Variants in C17orf75 observed in about 807,000 individuals in gnomAD.
C17orf75 encodes the protein chromosome 17 open reading frame 75, also known as protein Njmu-R1.
In C17orf75, 32 loss-of-function variants were observed where a neutral mutation model predicts 49.6. The observed-to-expected ratio is 0.65, with a 90% CI of 0.49 to 0.87. The LOEUF (loss-of-function observed/expected upper bound fraction) is 0.87, where lower values mean the gene tolerates loss of function less well. C17orf75 is among the 40% of genes least tolerant of loss of function. C17orf75 has a pLI of 0.00. For synonymous variants in C17orf75, 158 were observed against 159.5 expected, an observed-to-expected ratio of 0.99 and a Z score of 0.07; for missense variants, 428 against 473.9, an observed-to-expected ratio of 0.90 and a Z score of 0.90.
rs2041378473 is a variant in C17orf75 at position 32,341,303 on chromosome 17, A to G, written c.141-19T>C. 2 of 1,613,494 alleles carry G rather than the reference A, an allele frequency of 1.2e-6. No individual in the cohort carries two copies. The highest frequency in any genetic ancestry group is 8.5e-7 in the Non-Finnish European group (1 of 1,179,680). ...TGCCAATCTACAAGCCACAAAACCA[A>G]TAGTGCTATCAATTATGGGCTCTAA... On this transcript the variant is annotated intron_variant, in intron 1 of 9. Transcript: ENST00000577809.
rs2041266425 is a variant in C17orf75 at position 32,330,786 on chromosome 17, T to C, written c.*977A>G. On this transcript the variant is annotated 3_prime_UTR_variant, in exon 10 of 10. Coordinates refer to ENST00000577809, the MANE Select transcript of C17orf75 (RefSeq NM_022344.4). ...AAAGAAAACACAGGCTCTTCATAAA[T>C]ACCTGTGAACAAATAAATGAAATGG... The C allele has an allele frequency of 6.6e-6, 1 of 152,184 alleles. No homozygotes were observed. Among genetic ancestry groups the C allele is most frequent in the Non-Finnish European group, 1.5e-5 (1 of 68,024 alleles). The allele number at this position is 152,184 out of a possible 1,614,324, so 9.4% of individuals were successfully genotyped here. A position where few individuals can be genotyped will look rare whatever the true frequency, so the allele number is the denominator to read the frequency against.
chr17:32,342,180 C>T, upstream of C17orf75: 1 of 1,491,622 alleles, frequency 6.7e-7, no homozygotes, highest in Non-Finnish European at 9.0e-7. Flanking sequence ...CGCCAAACCG[C>T]TCCCCTGCTC....
At chr17:32,333,030 T>G (rs1227397405) in intron 9 of C17orf75, among the ~76,000 whole-genome samples, 1 of 152,096 alleles carries the variant, frequency 6.6e-6, no homozygotes, top group South Asian at 2.1e-4. Flanking sequence ...AGGCTGGTCT[T>G]GAACTCCTGG....
At chr17:32,343,764 A>C (rs1310355599), upstream of C17orf75, 4 of 634,574 alleles carry the variant, frequency 6.3e-6, no homozygotes, top group Non-Finnish European at 1.1e-5. Context: ...ACTACATTTA[A>C]AAGAGGATTC....
At chr17:32,340,998 A>T in intron 2 of C17orf75, 2 of 595,044 alleles carry the variant, frequency 3.4e-6, no homozygotes, top group Middle Eastern at 2.6e-4. Context: ...ATCACCAAGC[A>T]CACTATCAGT....
chr17:32,340,062 C>T, intron 2 of C17orf75, 124 bp from the exon 3 acceptor site: 1 of 1,161,240 alleles, frequency 8.6e-7, no homozygotes, highest in African/African-American at 1.6e-5. Flanking sequence ...TCCTTATGAC[C>T]CCTATTGGTG....
rs556165456 is a variant in C17orf75 at position 32,335,496 on chromosome 17, C to T, written c.550-54G>A. 34 of 1,587,286 alleles carry T rather than the reference C, an allele frequency of 2.1e-5. No individual in the cohort carries two copies. In the African/African-American group the frequency reaches 4.3e-4, roughly 20 times the overall value. ...TAATATAAGCCTTTCCTTTAGTGGA[C>T]TTCATATTTTCTTCATCATATCCTT... On this transcript the variant is annotated intron_variant, in intron 5 of 9. Coordinates refer to ENST00000577809, the MANE Select transcript of C17orf75 (RefSeq NM_022344.4).
chr17:32,340,683 C>T (rs2041370945), intron 2 of C17orf75, among the ~76,000 whole-genome samples: 1 of 151,222 alleles, frequency 6.6e-6, no homozygotes, highest in Non-Finnish European at 1.5e-5. Flanking sequence ...GGCAAGGTGG[C>T]TCATGCCTGT....
At chr17:32,336,264 A>G (rs776655542) in intron 5 of C17orf75, among the ~76,000 whole-genome samples, 6 of 152,230 alleles carry the variant, frequency 3.9e-5, no homozygotes, top group Non-Finnish European at 8.8e-5. Flanking sequence ...TCCAGGCTGG[A>G]GTGCAGTGGT....
rs1473325388 is a variant in C17orf75, at chr17:32,331,739, A to T, written c.*24T>A. ...TAAGACTTAAATATACAACTTGATC[A>T]TACAATTATCTCAAAACATATGATC... On this transcript the variant is annotated 3_prime_UTR_variant, in exon 10 of 10. Coordinates refer to ENST00000577809, the MANE Select transcript of C17orf75 (RefSeq NM_022344.4). 1.3e-6 allele frequency: 2 copies of T among 1,557,564 alleles called. No homozygotes were observed. The highest frequency in any genetic ancestry group is 1.8e-6 in the Non-Finnish European group (2 of 1,129,186).
intron 4 of C17orf75, 58 bp downstream of exon 4, chr17:32,338,150 T>G: frequency 6.3e-7 from 1 of 1,589,374 alleles, no homozygotes; most frequent in Non-Finnish European, 8.5e-7. Flanking sequence ...GTAATATTCT[T>G]CCACCTGCCT....
chr17:32,333,543 T>C, intron 8 of C17orf75, 23 bp from the exon 9 acceptor site: 1 of 1,517,946 alleles, frequency 6.6e-7, no homozygotes, highest in Non-Finnish European at 9.0e-7. Context: ...TCAGAGAGAC[T>C]AAATAAAATG....
chr17:32,347,053 G>A (rs2041430306), upstream of C17orf75, among the ~76,000 whole-genome samples: 1 of 151,894 alleles, frequency 6.6e-6, no homozygotes, highest in Non-Finnish European at 1.5e-5. Flanking sequence ...CCAGGTTCAA[G>A]CCTCAGCCTG....
At position 32,339,909 on chromosome 17, in the gene C17orf75, G is replaced by A. The variant is rs369286987; in HGVS notation, c.251C>T (p.Ser84Phe). ...ACTGCGCAGCTCTGGCTCCACTTCG[G>A]ATGGTAGATTAGTATCTGCCAAGGA... is the stretch of plus-strand genomic sequence containing the variant. ...SLSLADTNLP[S>F]EVEPELRSFI... Residue 84 changes from serine to phenylalanine, a missense_variant, in exon 3 of 10, where the codon TCC becomes TTC. Coordinates refer to ENST00000577809, the MANE Select transcript of C17orf75 (RefSeq NM_022344.4). 6 of 1,613,984 alleles carry A rather than the reference G, an allele frequency of 3.7e-6. No individual in the cohort carries two copies. The highest frequency in any genetic ancestry group is 5.1e-6 in the Non-Finnish European group (6 of 1,179,872).
upstream of C17orf75, chr17:32,343,865 T>G (rs947085583): frequency 7.4e-6 from 5 of 677,982 alleles, no homozygotes; most frequent in Non-Finnish European, 1.4e-5. Flanking sequence ...AAGAACTTCC[T>G]GGAGAGGTTG....
At chr17:32,348,010 TG>T (rs2041438081) in intron 1 of C17orf75, among the ~76,000 whole-genome samples, 2 of 151,356 alleles carry the variant, frequency 1.3e-5, no homozygotes, top group Non-Finnish European at 2.9e-5. Context: ...GCACCCAGCC[TG>T]AACTTTTTTT....
At chr17:32,340,936 C>A (rs951114433) in intron 2 of C17orf75, 2 of 416,166 alleles carry the variant, frequency 4.8e-6, no homozygotes, top group East Asian at 5.0e-5. Flanking sequence ...CAGAGCAAGA[C>A]CCTGTCTCAA....
At chr17:32,344,030 G>A, upstream of C17orf75, 2 of 675,324 alleles carry the variant, frequency 3.0e-6, no homozygotes, top group African/African-American at 1.8e-5. Context: ...CCAAAACTGG[G>A]TGCATTGTAC....
In C17orf75 at chr17:32,341,275, C is replaced by T. The variant is rs762274376; in HGVS notation, c.150G>A (p.Gln50=). Residue 50 remains glutamine, a synonymous_variant, in exon 2 of 10, where the codon CAG becomes CAA. Transcript: ENST00000577809. ...LYSYRGSRLA[Q]QRGDSEDGSP... is the part of the protein sequence containing the mutation. ...TTCCGTCCTCACTGTCCCCTCGTTGCTGTGCCAATCTACAAGCCACAAAAC... is the reference window on the plus strand; with the variant it reads ...TTCCGTCCTCACTGTCCCCTCGTTGTTGTGCCAATCTACAAGCCACAAAAC... 15 of 1,613,778 alleles carry T rather than the reference C, an allele frequency of 9.3e-6. No individual in the cohort carries two copies. The South Asian group carries it at 1.5e-4, about 17-fold the overall frequency.
Sources: gnomAD v4.1 joint callset for allele counts (sites outside exome capture counted in the v4.1 genomes callset) on GRCh38, gnomAD v4.1.1 for gene constraint, MANE v1.5 for transcripts, NCBI Gene and HGNC (gene_info 2026-07-23, HGNC 2026-07-21) for gene names.